Variants in ALDH7A1 observed in about 807,000 individuals in gnomAD.
ALDH7A1 encodes alpha-aminoadipic semialdehyde dehydrogenase.
A neutral mutation model predicts 79.9 loss-of-function variants in ALDH7A1; 63 were observed. The ratio of observed to expected loss-of-function variants is 0.79; its 90% confidence interval spans 0.64 to 0.97. The LOEUF (loss-of-function observed/expected upper bound fraction) is 0.97, where lower values mean the gene tolerates loss of function less well. ALDH7A1 is among the 50% of genes least tolerant of loss of function. The probability of loss-of-function intolerance (pLI) is 0.00; values close to 1 mark genes in which losing one functional copy is unlikely to be tolerated. For synonymous variants in ALDH7A1, 240 were observed against 231.2 expected, an observed-to-expected ratio of 1.04 and a Z score of -0.34; for missense variants, 627 against 665.2, an observed-to-expected ratio of 0.94 and a Z score of 0.63.
At chr5:126,567,170 G>T (rs1391466013) in intron 9 of ALDH7A1, among the ~76,000 whole-genome samples, 3 of 152,038 alleles carry the variant, frequency 2.0e-5, no homozygotes, top group Non-Finnish European at 2.9e-5. Context: ...CTTTTAAAAA[G>T]TTCTAAGTTG....
chr5:126,548,486 G>A (rs532825962), intron 16 of ALDH7A1, among the ~76,000 whole-genome samples: 25 of 151,538 alleles, frequency 1.6e-4, no homozygotes, highest in African/African-American at 5.6e-4. Flanking sequence ...GAGTGCACTG[G>A]CACAATCTTG....
chr5:126,570,594 C>T, intron 8 of ALDH7A1, 188 bp downstream of exon 8: 3 of 643,882 alleles, frequency 4.7e-6, no homozygotes, highest in Non-Finnish European at 5.5e-6. Flanking sequence ...AAAGACAATT[C>T]TTATTCATCC....
chr5:126,568,483 A>C (rs1750668401), intron 8 of ALDH7A1, 127 bp from the exon 9 acceptor site: 1 of 822,396 alleles, frequency 1.2e-6, no homozygotes, highest in Non-Finnish European at 2.1e-6. Context: ...AGTCTGTCCC[A>C]GGGGAGCAAG....
intron 17 of ALDH7A1, among the ~76,000 whole-genome samples, chr5:126,545,323 G>A (rs535106617): frequency 1.3e-5 from 2 of 152,044 alleles, no homozygotes; most frequent in African/African-American, 2.4e-5. Context: ...CACCCAGACT[G>A]GAGTGCAATG....
chr5:126,594,147 A>G, intron 1 of ALDH7A1: 1 of 468,544 alleles, frequency 2.1e-6, no homozygotes, highest in Non-Finnish European at 4.4e-6. Flanking sequence ...TTGAGCAGTA[A>G]TGGGTATCAG....
chr5:126,592,757 G>A (rs768731392), intron 2 of ALDH7A1, 28 bp from the exon 3 acceptor site: 1 of 1,594,836 alleles, frequency 6.3e-7, no homozygotes, highest in South Asian at 1.1e-5. Context: ...GGGACAGAAA[G>A]GGGGAAATAA....
intron 5 of ALDH7A1, 147 bp downstream of exon 5, chr5:126,582,704 C>A (rs2112802415): frequency 2.1e-6 from 2 of 948,944 alleles, no homozygotes; most frequent in South Asian, 3.2e-5. Flanking sequence ...TTTTAATTTG[C>A]ATTTCTTTGA....
intron 10 of ALDH7A1, among the ~76,000 whole-genome samples, chr5:126,560,487 T>A (rs1750368079): frequency 6.6e-6 from 1 of 152,020 alleles, no homozygotes; most frequent in South Asian, 2.1e-4. Flanking sequence ...AAAAAGTTCA[T>A]CCAGAACAAA....
chr5:126,576,960 G>T, intron 6 of ALDH7A1, 119 bp downstream of exon 6: 1 of 1,286,358 alleles, frequency 7.8e-7, no homozygotes, highest in Non-Finnish European at 1.1e-6. Context: ...TTTTATTGAA[G>T]AAGCCAGGTG....
At chr5:126,566,353 T>C (rs1750583344) in intron 9 of ALDH7A1, among the ~76,000 whole-genome samples, 1 of 152,234 alleles carries the variant, frequency 6.6e-6, no homozygotes, top group African/African-American at 2.4e-5. Context: ...ACAAATTGAA[T>C]TGTTTTCTGG....
chr5:126,565,584 CT>C (rs1321919453), intron 9 of ALDH7A1, among the ~76,000 whole-genome samples: 1 of 152,024 alleles, frequency 6.6e-6, no homozygotes, highest in Non-Finnish European at 1.5e-5. Context: ...TCCTGATGTC[CT>C]TTGAAGCACA....
chr5:126,582,511 A>G (rs1463814785), intron 5 of ALDH7A1, among the ~76,000 whole-genome samples: 1 of 152,178 alleles, frequency 6.6e-6, no homozygotes, highest in Non-Finnish European at 1.5e-5. Context: ...CTTTAAACAT[A>G]ACTTCTGTCT....
At chr5:126,554,713 G>C in intron 12 of ALDH7A1, 4 of 384,592 alleles carry the variant, frequency 1.0e-5, no homozygotes, top group South Asian at 6.6e-5. Flanking sequence ...CCAATCTCTA[G>C]TTTAAAGGAA....
In ALDH7A1 at chr5:126,554,512, A is replaced by G. The variant is rs372904511; in HGVS notation, c.1094-119T>C. On this transcript the variant is annotated intron_variant, in intron 12 of 17. Transcript: ENST00000409134. ...TTCCTATATGCTCTCAATTGAGAAC[A>G]TAAGTCAGCATCCTTTTTCCATAAA... is the stretch of plus-strand genomic sequence containing the variant. 250 of 787,118 alleles carry G rather than the reference A, an allele frequency of 3.2e-4. 4 individuals carry two copies. The South Asian group carries it at 3.4e-3, about 11-fold the overall frequency. The allele number at this position is 787,118 out of a possible 1,614,324, so 48.8% of individuals were successfully genotyped here.
In ALDH7A1 at chr5:126,568,289, G is replaced by A. The variant is rs1170817007; in HGVS notation, c.841C>T (p.Gln281Ter). The change falls in exon 9 of 18, where the codon CAG becomes TAG. Residue 281 changes from glutamine to a stop codon, truncating the protein, a stop_gained. Coordinates refer to ENST00000409134, the MANE Select transcript of ALDH7A1 (RefSeq NM_001182.5). LOFTEE classifies it high-confidence loss of function. ...SFTGSTQVGK[Q>*]VGLMVQERFG... ...CTCTCCTGCACCATCAGGCCCACCT[G>A]TTTTCCCACCTGAGTGCTCCCAGTG... The A allele has an allele frequency of 1.9e-6, 3 of 1,614,160 alleles. No homozygotes were observed. Among genetic ancestry groups the A allele is most frequent in the Admixed American group, 3.3e-5 (2 of 60,014 alleles).
chr5:126,546,384 G>C lies in ALDH7A1; in HGVS notation c.1505C>G (p.Thr502Ser), dbSNP rs1273853743. 1 of 1,614,112 alleles carries C rather than the reference G, an allele frequency of 6.2e-7. No homozygotes were observed. The highest frequency in any genetic ancestry group is 8.5e-7 in the Non-Finnish European group (1 of 1,179,994). The change falls in exon 17 of 18, where the codon ACT (threonine) becomes AGT (serine). Residue 502 changes from threonine to serine, a missense_variant. Coordinates refer to ENST00000409134, the MANE Select transcript of ALDH7A1 (RefSeq NM_001182.5). The part of the protein sequence containing the change: ...IGGAFGGEKH[T>S]GGGRESGSDA... ...ACTGCCAGACTCCCTGCCACCACCA[G>C]TGTGCTTTTCTCCTCCTAGAGAAAT...
At chr5:126,591,756 C>A (rs1466955274) in intron 3 of ALDH7A1, among the ~76,000 whole-genome samples, 2 of 152,018 alleles carry the variant, frequency 1.3e-5, no homozygotes, top group African/African-American at 4.8e-5. Flanking sequence ...CTAGCTCCCA[C>A]CTAGTGACAA....
rs1205171844 is a variant in ALDH7A1, at chr5:126,580,797, C to T, written c.517+2054G>A. On this transcript the variant is annotated intron_variant, in intron 5 of 17. Coordinates refer to ENST00000409134, the MANE Select transcript of ALDH7A1 (RefSeq NM_001182.5). ...TGTTTTGCTCTATCCACATTGCAAA[C>T]ATCACAAATTGCTTACACTCTTAAC... 2.0e-5 allele frequency among the ~76,000 whole-genome samples: 3 copies of T among 152,010 alleles called. No individual in the cohort carries two copies. The South Asian group carries it at 6.2e-4, about 32-fold the overall frequency.
chr5:126,584,255 C>G lies in ALDH7A1; in HGVS notation c.313-243G>C, dbSNP rs761679888. On this transcript the variant is annotated intron_variant, in intron 3 of 17. Coordinates refer to ENST00000409134, the MANE Select transcript of ALDH7A1 (RefSeq NM_001182.5). ...GCAACAAATAATTACAAATTGCCAA[C>G]AAATAATTACAAATTGCCATCAGGG... 3.4e-5 allele frequency: 17 copies of G among 493,398 alleles called. 1 individual carries two copies. Among genetic ancestry groups the G allele is most frequent in the Non-Finnish European group, 4.7e-5 (13 of 277,992 alleles). The allele number at this position is 493,398 out of a possible 1,614,324, so 30.6% of individuals were successfully genotyped here.
Sources: gnomAD v4.1 joint callset for allele counts (sites outside exome capture counted in the v4.1 genomes callset) on GRCh38, gnomAD v4.1.1 for gene constraint, MANE v1.5 for transcripts, NCBI Gene and HGNC (gene_info 2026-07-23, HGNC 2026-07-21) for gene names.